The following SNCAIP variants were observed in gnomAD, a reference collection of about 807,000 sequenced individuals.
SNCAIP encodes synuclein alpha interacting protein.
Under a neutral mutation model 86.7 loss-of-function variants are expected in SNCAIP, and 43 were observed. The observed-to-expected ratio is 0.50, with a 90% CI of 0.39 to 0.64. The LOEUF (loss-of-function observed/expected upper bound fraction) is 0.64, where lower values mean the gene tolerates loss of function less well. Among genes scored for constraint, SNCAIP ranks in the 30% least tolerant of loss-of-function variants. The pLI, the probability that SNCAIP is intolerant of heterozygous loss-of-function variation, is 0.00. For missense variants in SNCAIP, 981 were observed against 1,103.1 expected, an observed-to-expected ratio of 0.89 and a Z score of 1.57; for synonymous variants, 417 against 427.2, an observed-to-expected ratio of 0.98 and a Z score of 0.29.
chr5:122,354,371 G>C (rs1174526486), intron 1 of SNCAIP, among the ~76,000 whole-genome samples: 1 of 152,298 alleles, frequency 6.6e-6, no homozygotes, highest in African/African-American at 2.4e-5. Context: ...GAGAGGCTGT[G>C]ATGAAAGCAG....
Position 122,343,754 on chromosome 5 carries a change from T to C in SNCAIP, c.-47+31470T>C, listed in dbSNP as rs1758050584. 3.3e-5 allele frequency among the ~76,000 whole-genome samples: 5 copies of C among 152,158 alleles called. No homozygotes were observed. The South Asian group carries it at 1.0e-3, about 32-fold the overall frequency. ...TTCAGTATCTCTGGCTTCTACACATTAGATGTGAGTAGCAACTTCTTACTC... is the reference window on the plus strand; with the variant it reads ...TTCAGTATCTCTGGCTTCTACACATCAGATGTGAGTAGCAACTTCTTACTC... On this transcript the variant is annotated intron_variant, in intron 1 of 10. Transcript: ENST00000261368.
chr5:122,415,303 G>A (rs1281456180), intron 3 of SNCAIP, among the ~76,000 whole-genome samples: 2 of 152,210 alleles, frequency 1.3e-5, no homozygotes, highest in Admixed American at 6.5e-5. Flanking sequence ...GTAGGCTGCA[G>A]GCCAGCACTG....
intron 1 of SNCAIP, among the ~76,000 whole-genome samples, chr5:122,357,339 G>A (rs1467602957): frequency 6.6e-6 from 1 of 151,912 alleles, no homozygotes; most frequent in East Asian, 1.9e-4. Flanking sequence ...GGGTTCAAGC[G>A]ATTCTCCTGC....
chr5:122,423,736 C>T lies in SNCAIP; in HGVS notation c.999C>T (p.Leu333=), dbSNP rs367631944. 6.3e-7 allele frequency: 1 copy of T among 1,599,826 alleles called. No homozygotes were observed. The highest frequency in any genetic ancestry group is 1.3e-5 in the African/African-American group (1 of 74,862). ...LNIVKEGQIS[L]LPHLAADNLD... ...TTGTTAAAGAAGGACAGATCTCTCT[C>T]CTGGTAAGTATAATCTAGTTCAGTA... Residue 333 remains leucine (L), a synonymous_variant, in exon 4 of 11, where the codon CTC becomes CTT. Transcript: ENST00000261368.
chr5:122,338,799 AT>A (rs1756999956), intron 1 of SNCAIP, among the ~76,000 whole-genome samples: 1 of 152,332 alleles, frequency 6.6e-6, no homozygotes, highest in Middle Eastern at 3.4e-3. Flanking sequence ...AAGAATGCTC[AT>A]TTCCTAAAAT....
At chr5:122,320,071 A>G (rs1752608617) in intron 1 of SNCAIP, among the ~76,000 whole-genome samples, 1 of 152,196 alleles carries the variant, frequency 6.6e-6, no homozygotes, top group Non-Finnish European at 1.5e-5. Flanking sequence ...GTTAAAAGTA[A>G]GTTAAGTGGC....
At chr5:122,340,798 A>G (rs1310492401) in intron 1 of SNCAIP, among the ~76,000 whole-genome samples, 2 of 152,212 alleles carry the variant, frequency 1.3e-5, no homozygotes, top group Non-Finnish European at 2.9e-5. Context: ...TTCCTTGGAA[A>G]TTTTAGAGTA....
chr5:122,335,525 G>A (rs936611435), intron 1 of SNCAIP, among the ~76,000 whole-genome samples: 6 of 152,216 alleles, frequency 3.9e-5, no homozygotes, highest in African/African-American at 1.4e-4. Flanking sequence ...GCACACCAAA[G>A]TTTGGCAGAG....
intron 3 of SNCAIP, among the ~76,000 whole-genome samples, chr5:122,419,546 C>T (rs1337559450): frequency 6.6e-6 from 1 of 152,060 alleles, no homozygotes; most frequent in Non-Finnish European, 1.5e-5. Context: ...GCCCATTCAA[C>T]CAAAAAGTCA....
chr5:122,364,051 G>C (rs886089188), intron 1 of SNCAIP, among the ~76,000 whole-genome samples: 1 of 152,026 alleles, frequency 6.6e-6, no homozygotes, highest in African/African-American at 2.4e-5. Context: ...GACTGTCCAT[G>C]AACTCCTGGC....
chr5:122,432,434 TA>T (rs1337127651), intron 6 of SNCAIP, among the ~76,000 whole-genome samples: 1 of 152,100 alleles, frequency 6.6e-6, no homozygotes, highest in Non-Finnish European at 1.5e-5. Flanking sequence ...AAATTAATAC[TA>T]AAAAAATTAT....
chr5:122,416,726 C>G (rs1449172837), intron 3 of SNCAIP, among the ~76,000 whole-genome samples: 2 of 152,166 alleles, frequency 1.3e-5, no homozygotes, highest in Non-Finnish European at 2.9e-5. Context: ...TAAGTGGGTG[C>G]AGTACAGACT....
upstream of SNCAIP, chr5:122,311,544 G>A (rs931801739): frequency 3.9e-5 from 6 of 152,580 alleles, no homozygotes; most frequent in South Asian, 2.1e-4. Context: ...CCGCCTTCCC[G>A]AGTCTCTTCT....
intron 1 of SNCAIP, among the ~76,000 whole-genome samples, chr5:122,332,204 T>C (rs753017854): frequency 2.0e-5 from 3 of 152,278 alleles, no homozygotes; most frequent in Non-Finnish European, 4.4e-5. Context: ...GATATCATAA[T>C]GATGTGTCAT....
chr5:122,386,198 C>A (rs1323308344), intron 1 of SNCAIP, among the ~76,000 whole-genome samples: 1 of 152,152 alleles, frequency 6.6e-6, no homozygotes, highest in Non-Finnish European at 1.5e-5. Context: ...TTTTCAAAGT[C>A]AGTTTTCCAG....
chr5:122,312,218 T>G (rs564412630), upstream of SNCAIP: 1 of 151,332 alleles, frequency 6.6e-6, no homozygotes, highest in East Asian at 2.0e-4. Context: ...CTCCTGCCGC[T>G]GCGGTCCGTC....
chr5:122,422,679 T>C (rs1011333762), intron 3 of SNCAIP, among the ~76,000 whole-genome samples, 189 bp from the exon 4 acceptor site: 3 of 152,176 alleles, frequency 2.0e-5, no homozygotes, highest in African/African-American at 7.2e-5. Context: ...GTTATAACCT[T>C]CTTTGATCAT....
chr5:122,439,296 T>C (rs1050027597), intron 6 of SNCAIP, among the ~76,000 whole-genome samples: 6 of 152,168 alleles, frequency 3.9e-5, no homozygotes. Flanking sequence ...TAGGGACCCT[T>C]GAGGGTTTCA....
intron 1 of SNCAIP, among the ~76,000 whole-genome samples, chr5:122,347,651 A>G (rs2152735921): frequency 6.6e-6 from 1 of 152,194 alleles, no homozygotes; most frequent in Admixed American, 6.5e-5. Flanking sequence ...TCTCCGTTCT[A>G]ATTAAGTTTT....
Sources: allele counts gnomAD v4.1 joint callset (sites outside exome capture counted in the v4.1 genomes callset), GRCh38; gene constraint gnomAD v4.1.1; transcripts MANE v1.5; gene names NCBI Gene and HGNC (gene_info 2026-07-23, HGNC 2026-07-21).